The following IGBP1C variants were observed in gnomAD, a reference collection of about 807,000 sequenced individuals.
IGBP1C encodes IGBP1 family member C.
chr17:58,660,567 T>G, the IGBP1C span: 1 of 786,350 alleles, frequency 1.3e-6, no homozygotes, highest in Non-Finnish European at 2.3e-6. Flanking sequence ...CCTGCGGTGT[T>G]GTGGGAAGAT....
the IGBP1C span, among the ~76,000 whole-genome samples, chr17:58,681,657 C>T: frequency 6.6e-6 from 1 of 151,998 alleles, no homozygotes; most frequent in Non-Finnish European, 1.5e-5. Flanking sequence ...CGAGACCAGC[C>T]TGGCAAACAT....
chr17:58,672,737 CTTTG>C, the IGBP1C span, among the ~76,000 whole-genome samples: 5 of 151,164 alleles, frequency 3.3e-5, no homozygotes, highest in African/African-American at 7.3e-5. Flanking sequence ...TCCTTTTTTT[CTTTG>C]TTTGTTTTGA....
chr17:58,668,427 G>A, the IGBP1C span, among the ~76,000 whole-genome samples: 1 of 152,222 alleles, frequency 6.6e-6, no homozygotes, highest in Middle Eastern at 3.2e-3. Flanking sequence ...CCCTGCAAAT[G>A]TGGAGGAAGT....
chr17:58,677,923 A>G, the IGBP1C span, among the ~76,000 whole-genome samples: 5 of 152,246 alleles, frequency 3.3e-5, no homozygotes, highest in Admixed American at 6.5e-5. Flanking sequence ...AGGCCAAGGC[A>G]GGCAGATCAC....
chr17:58,666,643 C>CACA, the IGBP1C span: 3 of 152,144 alleles, frequency 2.0e-5, no homozygotes, highest in South Asian at 6.2e-4. Context: ...GAATAAGCCA[C>CACA]ACACAGGGAA....
chr17:58,676,947 T>C, the IGBP1C span, among the ~76,000 whole-genome samples: 1 of 151,748 alleles, frequency 6.6e-6, no homozygotes. Flanking sequence ...CGAAACCCCG[T>C]CTCTACTAAA....
At chr17:58,666,771 C>T in the IGBP1C span, 1 of 152,162 alleles carries the variant, frequency 6.6e-6, no homozygotes, top group Non-Finnish European at 1.5e-5. Flanking sequence ...CCTGAAATGA[C>T]TCTAATTGGA....
chr17:58,680,534 G>A, the IGBP1C span, among the ~76,000 whole-genome samples: 1 of 152,076 alleles, frequency 6.6e-6, no homozygotes, highest in Admixed American at 6.6e-5. Context: ...TTGAGGTCAG[G>A]AATTCGAGAC....
the IGBP1C span, among the ~76,000 whole-genome samples, chr17:58,687,615 G>C: frequency 2.6e-5 from 4 of 151,960 alleles, no homozygotes; most frequent in Non-Finnish European, 5.9e-5. Flanking sequence ...TTACAGGTGT[G>C]AGCCACTGCA....
chr17:58,661,529 A>T, the IGBP1C span: 1 of 778,302 alleles, frequency 1.3e-6, no homozygotes, highest in South Asian at 1.3e-5. Context: ...TTCGTCCAGA[A>T]GCTGTTTGCT....
the IGBP1C span, among the ~76,000 whole-genome samples, chr17:58,685,601 T>TGGGAAAGAGGAAAAGGAAGAA: frequency 6.7e-6 from 1 of 150,340 alleles, no homozygotes; most frequent in East Asian, 2.0e-4. Context: ...AGGAAGCAAA[T>TGGGAAAGAGGAAAAGGAAGAA]GGGAAAGAGG....
chr17:58,675,107 T>C, the IGBP1C span, among the ~76,000 whole-genome samples: 5 of 150,646 alleles, frequency 3.3e-5, no homozygotes, highest in South Asian at 2.1e-4. Context: ...CATTGTGCCA[T>C]TGCACTCCAG....
chr17:58,682,122 T>C, the IGBP1C span, among the ~76,000 whole-genome samples: 4 of 152,108 alleles, frequency 2.6e-5, no homozygotes, highest in East Asian at 5.8e-4. Context: ...CTAACTTTTG[T>C]ATTTTTTGTA....
the IGBP1C span, among the ~76,000 whole-genome samples, chr17:58,667,052 C>T: frequency 6.6e-6 from 1 of 152,174 alleles, no homozygotes; most frequent in African/African-American, 2.4e-5. Flanking sequence ...CTGACAAAAA[C>T]GCACCACCTC....
chr17:58,687,091 A>C, the IGBP1C span, among the ~76,000 whole-genome samples: 1 of 151,972 alleles, frequency 6.6e-6, no homozygotes, highest in East Asian at 1.9e-4. Context: ...TGGAGGCTCT[A>C]TGATCAAACA....
the IGBP1C span, among the ~76,000 whole-genome samples, chr17:58,688,183 T>C: frequency 1.3e-5 from 2 of 152,118 alleles, no homozygotes; most frequent in Non-Finnish European, 1.5e-5. Flanking sequence ...TACAGTGTCA[T>C]AATATCGGCT....
chr17:58,688,706 T>A, the IGBP1C span, among the ~76,000 whole-genome samples: 3 of 152,210 alleles, frequency 2.0e-5, no homozygotes, highest in African/African-American at 4.8e-5. Flanking sequence ...CAAATCCAAA[T>A]CTGTGTGACT....
the IGBP1C span, among the ~76,000 whole-genome samples, chr17:58,674,066 G>C: frequency 6.6e-6 from 1 of 152,116 alleles, no homozygotes; most frequent in Non-Finnish European, 1.5e-5. Flanking sequence ...CTGAGATCAG[G>C]AGTTCAAGAC....
At chr17:58,670,044 G>T in the IGBP1C span, among the ~76,000 whole-genome samples, 1 of 152,180 alleles carries the variant, frequency 6.6e-6, no homozygotes, top group East Asian at 1.9e-4. Context: ...TCCAGCCTCA[G>T]AGCCTTTGCC....
Sources: allele counts gnomAD v4.1 joint callset (sites outside exome capture counted in the v4.1 genomes callset), GRCh38; gene constraint gnomAD v4.1.1; transcripts MANE v1.5; gene names NCBI Gene and HGNC (gene_info 2026-07-23, HGNC 2026-07-21).